The following STYX variants were observed in gnomAD, a reference collection of about 807,000 sequenced individuals.
STYX encodes serine/threonine/tyrosine interacting protein.
STYX carries 20 observed loss-of-function variants against 42.7 expected under a neutral mutation model. That is an observed-to-expected ratio of 0.47 (90% CI 0.33 to 0.68). STYX has a LOEUF of 0.68. STYX is among the 30% of genes least tolerant of loss of function. The pLI is 0.02. For synonymous variants in STYX, 78 were observed against 81.9 expected (o/e 0.95, Z 0.26); for missense variants, 226 against 268.5 (o/e 0.84, Z 1.11).
intron 2 of STYX, 79 bp from the exon 3 acceptor site, chr14:52,746,346 CA>C: frequency 9.7e-7 from 1 of 1,027,532 alleles, no homozygotes; most frequent in Non-Finnish European, 1.4e-6. Flanking sequence ...TTGATTTGGC[CA>C]AATAAGGTTT....
chr14:52,741,457 A>G (rs1456920955), intron 1 of STYX, among the ~76,000 whole-genome samples: 1 of 151,982 alleles, frequency 6.6e-6, no homozygotes, highest in Non-Finnish European at 1.5e-5. Flanking sequence ...TGTGTATGAG[A>G]GATGGAGTCT....
chr14:52,767,572 A>G (rs1179551198), intron 9 of STYX, among the ~76,000 whole-genome samples: 1 of 152,112 alleles, frequency 6.6e-6, no homozygotes, highest in Non-Finnish European at 1.5e-5. Flanking sequence ...AACTGGAGGT[A>G]TTCGTCTTAG....
intron 1 of STYX, among the ~76,000 whole-genome samples, chr14:52,742,982 G>A (rs1020216046): frequency 1.3e-5 from 2 of 151,420 alleles, no homozygotes; most frequent in Admixed American, 1.3e-4. Context: ...TTTTAGTAGA[G>A]ATGGAGTTTC....
Position 52,771,062 on chromosome 14 carries a change from G to C in STYX, c.628G>C (p.Asp210His), listed in dbSNP as rs1367884970. Reference protein sequence around the residue: ...GSLKRTHEEEDDFGTMQVATA... With the variant: ...GSLKRTHEEEHDFGTMQVATA... ...TTTGAAGAGAACACATGAAGAAGAG[G>C]ATGATTTTGGAACCATGCAAGTGGC... The change falls in exon 11 of 11, where the codon GAT becomes CAT. Residue 210 changes from aspartate (D) to histidine (H), a missense_variant. Transcript: ENST00000354586. 1 of 1,612,938 alleles carries C rather than the reference G, an allele frequency of 6.2e-7. No individual in the cohort carries two copies. Among genetic ancestry groups the C allele is most frequent in the Non-Finnish European group, 8.5e-7 (1 of 1,179,192 alleles).
At chr14:52,734,827 C>T (rs1023856669) in intron 1 of STYX, among the ~76,000 whole-genome samples, 1 of 152,064 alleles carries the variant, frequency 6.6e-6, no homozygotes, top group Non-Finnish European at 1.5e-5. Flanking sequence ...TTTGGGAGGC[C>T]GAGGCGGACG....
chr14:52,766,125 T>C (rs1236216511), intron 9 of STYX, among the ~76,000 whole-genome samples: 1 of 151,834 alleles, frequency 6.6e-6, no homozygotes, highest in African/African-American at 2.4e-5. Flanking sequence ...GCTTCCTAAG[T>C]AGCTGGGACC....
At chr14:52,769,269 C>T (rs1423501679) in intron 10 of STYX, among the ~76,000 whole-genome samples, 4 of 151,974 alleles carry the variant, frequency 2.6e-5, no homozygotes, top group Non-Finnish European at 4.4e-5. Context: ...TCAATATTTC[C>T]ATCCTTTCCT....
Position 52,772,467 on chromosome 14 carries a change from A to C in STYX, c.*1361A>C, listed in dbSNP as rs1238868738. ...AAAGTTCTAAGAAAACATTTTTGCT[A>C]TTTTAAGTATGTAAGGGAAGAGAGG... is the stretch of plus-strand genomic sequence containing the variant. On this transcript the variant is annotated 3_prime_UTR_variant, in exon 11 of 11. Transcript: ENST00000354586. 6.6e-6 allele frequency: 1 copy of C among 152,544 alleles called. No individual in the cohort carries two copies. Among genetic ancestry groups the C allele is most frequent in the Non-Finnish European group, 1.5e-5 (1 of 67,992 alleles). 9.4% of individuals were successfully genotyped at this position (152,544 alleles called of 1,614,324 possible). A position where few individuals can be genotyped will look rare whatever the true frequency, so the allele number is the denominator to read the frequency against.
chr14:52,744,331 T>G (rs535632561), intron 1 of STYX, among the ~76,000 whole-genome samples: 1 of 152,218 alleles, frequency 6.6e-6, no homozygotes, highest in African/African-American at 2.4e-5. Context: ...CCAAGTGAGA[T>G]GAAGGAAAGG....
chr14:52,730,417 G>A lies in STYX; in HGVS notation c.-58G>A. On this transcript the variant is annotated 5_prime_UTR_variant, in exon 1 of 11. Transcript: ENST00000354586. ...CCTTCCGCCGCCGCAGCCAGCCCGA[G>A]GGTCGGCCGGCTGTGTAACACTCTC... 6.3e-7 allele frequency: 1 copy of A among 1,584,012 alleles called. No homozygotes were observed. The highest frequency in any genetic ancestry group is 8.6e-7 in the Non-Finnish European group (1 of 1,160,176).
chr14:52,763,327 AT>A (rs1279748420), intron 9 of STYX, among the ~76,000 whole-genome samples: 2 of 151,606 alleles, frequency 1.3e-5, no homozygotes, highest in African/African-American at 2.4e-5. Context: ...TGGTTCTATT[AT>A]TTTTTTTCTT....
chr14:52,762,389 G>A (rs966927485), intron 9 of STYX, among the ~76,000 whole-genome samples: 2 of 152,104 alleles, frequency 1.3e-5, no homozygotes, highest in South Asian at 2.1e-4. Flanking sequence ...TTTTTGAACC[G>A]TTAATATGGT....
chr14:52,766,477 A>T (rs985316856), intron 9 of STYX, among the ~76,000 whole-genome samples: 1 of 151,746 alleles, frequency 6.6e-6, no homozygotes, highest in Non-Finnish European at 1.5e-5. Flanking sequence ...TTAGTTTTTT[A>T]AATTATTTTT....
At chr14:52,739,340 A>G (rs1436798412) in intron 1 of STYX, among the ~76,000 whole-genome samples, 2 of 152,066 alleles carry the variant, frequency 1.3e-5, no homozygotes, top group Non-Finnish European at 2.9e-5. Flanking sequence ...TTAATTACAC[A>G]AAATTTAGTG....
At chr14:52,745,913 T>C (rs1264766988) in intron 2 of STYX, among the ~76,000 whole-genome samples, 1 of 152,224 alleles carries the variant, frequency 6.6e-6, no homozygotes, top group Admixed American at 6.5e-5. Context: ...GAAATCAGTT[T>C]TATATACAAA....
At chr14:52,746,533 G>A (rs1334388805) in intron 3 of STYX, 54 bp downstream of exon 3, 25 of 1,479,822 alleles carry the variant, frequency 1.7e-5, no homozygotes, top group Admixed American at 2.6e-5. Context: ...AACTTTTCTT[G>A]GGTAAGTTTT....
chr14:52,774,210 A>G lies in STYX; in HGVS notation c.*3104A>G, dbSNP rs1203250129. 1 of 152,164 alleles carries G rather than the reference A, an allele frequency of 6.6e-6. No homozygotes were observed. 9.4% of individuals were successfully genotyped at this position (152,164 alleles called of 1,614,324 possible). On this transcript the variant is annotated 3_prime_UTR_variant, in exon 11 of 11. Transcript: ENST00000354586. Reference sequence around the variant, plus strand: ...GAGTTTATGCTTCATCTGAGTTTAGAAGTAATGTCAGAAAATGTTAAGCAT... The same window carrying G: ...GAGTTTATGCTTCATCTGAGTTTAGGAGTAATGTCAGAAAATGTTAAGCAT...
intron 8 of STYX, among the ~76,000 whole-genome samples, chr14:52,758,419 A>G (rs1258401904): frequency 6.6e-6 from 1 of 152,176 alleles, no homozygotes. Context: ...GCCAGTGTAC[A>G]GTATTTCCTT....
At chr14:52,759,649 G>T in intron 8 of STYX, 33 bp from the exon 9 acceptor site, 1 of 1,392,808 alleles carries the variant, frequency 7.2e-7, no homozygotes. Flanking sequence ...ATTAAATAAT[G>T]CTATCACATT....
Sources: gnomAD v4.1 joint callset for allele counts (sites outside exome capture counted in the v4.1 genomes callset) on GRCh38, gnomAD v4.1.1 for gene constraint, MANE v1.5 for transcripts, NCBI Gene and HGNC (gene_info 2026-07-23, HGNC 2026-07-21) for gene names.